IGF1R: variants seen among roughly 807,000 people sequenced by gnomAD.
The protein encoded by IGF1R is insulin like growth factor 1 receptor, also known as insulin-like growth factor 1 receptor.
IGF1R carries 44 observed loss-of-function variants against 144.6 expected under a neutral mutation model. The ratio of observed to expected loss-of-function variants is 0.30; its 90% confidence interval spans 0.24 to 0.39. IGF1R has a LOEUF of 0.39. IGF1R is among the 10% of genes least tolerant of loss of function. IGF1R has a pLI of 1.00. For missense variants in IGF1R, 1,355 were observed against 1,833.7 expected (o/e 0.74, Z 4.77); for synonymous variants, 795 against 722.8 (o/e 1.10, Z -1.60).
At chr15:98,654,126 T>A (rs1337964246) in intron 1 of IGF1R, among the ~76,000 whole-genome samples, 1 of 152,240 alleles carries the variant, frequency 6.6e-6, no homozygotes, top group Non-Finnish European at 1.5e-5. Flanking sequence ...AAAATATTTC[T>A]GTAGACTTAG....
At chr15:98,650,140 C>G (rs2052316627) in intron 1 of IGF1R, among the ~76,000 whole-genome samples, 2 of 152,168 alleles carry the variant, frequency 1.3e-5, no homozygotes, top group Admixed American at 6.5e-5. Context: ...CTGGGGCTGA[C>G]CGGGCAGTGG....
chr15:98,904,796 C>G (rs2014653563), intron 5 of IGF1R, among the ~76,000 whole-genome samples: 1 of 152,202 alleles, frequency 6.6e-6, no homozygotes, highest in South Asian at 2.1e-4. Context: ...CCCTTCCTAC[C>G]TCTGTAGGCT....
At chr15:98,826,909 G>T (rs191712479) in intron 2 of IGF1R, among the ~76,000 whole-genome samples, 16 of 152,172 alleles carry the variant, frequency 1.1e-4, no homozygotes, top group Non-Finnish European at 1.9e-4. Context: ...TCTCTGTGAC[G>T]TGTGAAAAGT....
intron 2 of IGF1R, among the ~76,000 whole-genome samples, chr15:98,879,981 G>A (rs1037500353): frequency 9.2e-5 from 14 of 152,330 alleles, no homozygotes; most frequent in African/African-American, 3.1e-4. Context: ...AGGGGCGTGG[G>A]AAGCATGGCT....
chr15:98,703,770 C>T (rs1214896492), intron 1 of IGF1R, among the ~76,000 whole-genome samples: 1 of 152,218 alleles, frequency 6.6e-6, no homozygotes, highest in African/African-American at 2.4e-5. Flanking sequence ...TTCCTCCTGT[C>T]TGCATTTTGA....
At chr15:98,657,847 T>C (rs1159044940) in intron 1 of IGF1R, among the ~76,000 whole-genome samples, 2 of 152,226 alleles carry the variant, frequency 1.3e-5, no homozygotes, top group East Asian at 1.9e-4. Flanking sequence ...GACTCATTAA[T>C]TGAATGTTGC....
At chr15:98,894,063 G>A (rs528466526) in intron 3 of IGF1R, among the ~76,000 whole-genome samples, 2 of 151,982 alleles carry the variant, frequency 1.3e-5, no homozygotes, top group Non-Finnish European at 1.5e-5. Context: ...AAGATGATTG[G>A]TTCCATTTTT....
chr15:98,672,559 G>A (rs61452272), intron 1 of IGF1R, among the ~76,000 whole-genome samples: 4 of 121,372 alleles, frequency 3.3e-5, no homozygotes, highest in African/African-American at 1.4e-4. Context: ...GACAGAGCAA[G>A]ACTCCATCTC....
intron 2 of IGF1R, among the ~76,000 whole-genome samples, chr15:98,811,066 T>C (rs1343502372): frequency 5.9e-5 from 9 of 151,784 alleles, no homozygotes; most frequent in Non-Finnish European, 7.4e-5. Context: ...TTTGAGAGGC[T>C]GAGGCGGCCG....
Position 98,649,649 on chromosome 15 carries a change from T to G in IGF1R, c.68T>G (p.Leu23Arg). 1 of 1,609,536 alleles carries G rather than the reference T, an allele frequency of 6.2e-7. No individual in the cohort carries two copies. Among genetic ancestry groups the G allele is most frequent in the Non-Finnish European group, 8.5e-7 (1 of 1,178,582 alleles). ...LWGLLFLSAA[L>R]SLWPTSGEIC... ...GGGCTCCTGTTTCTCTCCGCCGCGCTCTCGCTCTGGCCGACGAGTGGAGAA... is the reference window on the plus strand; with the variant it reads ...GGGCTCCTGTTTCTCTCCGCCGCGCGCTCGCTCTGGCCGACGAGTGGAGAA... The change falls in exon 1 of 21, where the codon CTC becomes CGC. Residue 23 changes from leucine to arginine, a missense_variant. By Grantham distance (102) the Leu-to-Arg change is moderately radical (BLOSUM62 -2). Around this residue, in one of 7 missense-constraint regions of IGF1R, gnomAD observed 49 missense variants for 34.7 expected, o/e 1.41. Transcript: ENST00000650285.
At chr15:98,919,177 T>A (rs1476716822) in intron 10 of IGF1R, among the ~76,000 whole-genome samples, 1 of 152,218 alleles carries the variant, frequency 6.6e-6, no homozygotes, top group Non-Finnish European at 1.5e-5. Context: ...GTTTGGGACC[T>A]GGTCCTCATT....
At chr15:98,709,095 T>C (rs1162349775) in intron 2 of IGF1R, among the ~76,000 whole-genome samples, 1 of 152,180 alleles carries the variant, frequency 6.6e-6, no homozygotes, top group African/African-American at 2.4e-5. Context: ...TTGAAGTCAG[T>C]GTGTTAGCTA....
At chr15:98,654,572 T>C (rs775631532) in intron 1 of IGF1R, among the ~76,000 whole-genome samples, 1 of 152,138 alleles carries the variant, frequency 6.6e-6, no homozygotes, top group Non-Finnish European at 1.5e-5. Context: ...GTTTTTTAAT[T>C]GTAAAGCATA....
At chr15:98,912,358 C>T (rs2015060480) in intron 7 of IGF1R, among the ~76,000 whole-genome samples, 1 of 152,230 alleles carries the variant, frequency 6.6e-6, no homozygotes. Context: ...ATCTCCCATC[C>T]CATGACAGCA....
chr15:98,953,403 T>C (rs893340623), intron 20 of IGF1R, among the ~76,000 whole-genome samples: 2 of 152,150 alleles, frequency 1.3e-5, no homozygotes, highest in Admixed American at 1.3e-4. Context: ...GTCTGTACTT[T>C]AGATTGATGA....
chr15:98,693,597 A>G (rs1234969845), intron 1 of IGF1R, among the ~76,000 whole-genome samples: 1 of 152,010 alleles, frequency 6.6e-6, no homozygotes, highest in East Asian at 1.9e-4. Context: ...TCCCTGATCG[A>G]ATGACCTCCT....
intron 5 of IGF1R, among the ~76,000 whole-genome samples, chr15:98,905,385 G>A (rs2151665484): frequency 6.6e-6 from 1 of 152,162 alleles, no homozygotes; most frequent in East Asian, 1.9e-4. Flanking sequence ...GGTCAGGTGT[G>A]GTGGCTCACA....
chr15:98,814,825 C>G lies in IGF1R; in HGVS notation c.641-76500C>G, dbSNP rs1259820311. 2.0e-5 allele frequency among the ~76,000 whole-genome samples: 3 copies of G among 152,158 alleles called. 1 individual carries two copies. The South Asian group carries it at 6.2e-4, about 32-fold the overall frequency. ...GTATCTGATATAAGCGTGGCTCTAC[C>G]TGGGAGAATGGCCATTCCGAATTAC... On this transcript the variant is annotated intron_variant, in intron 2 of 20. Coordinates refer to ENST00000650285, the MANE Select transcript of IGF1R (RefSeq NM_000875.5).
At chr15:98,664,845 G>T (rs934444580) in intron 1 of IGF1R, among the ~76,000 whole-genome samples, 1 of 150,698 alleles carries the variant, frequency 6.6e-6, no homozygotes, top group East Asian at 1.9e-4. Flanking sequence ...CGCATTAGAA[G>T]TTATTTACTT....
Sources: gnomAD v4.1 joint callset for allele counts (sites outside exome capture counted in the v4.1 genomes callset) on GRCh38, gnomAD v4.1.1 for gene constraint, gnomAD v4.1.1 regional missense constraint, MANE v1.5 for transcripts, NCBI Gene and HGNC (gene_info 2026-07-23, HGNC 2026-07-21) for gene names.